The following ARHGEF7 variants were observed in gnomAD, a reference collection of about 807,000 sequenced individuals.
The protein encoded by ARHGEF7 is PAK-interacting exchange factor beta.
Under a neutral mutation model 109.8 loss-of-function variants are expected in ARHGEF7, and 33 were observed. The ratio of observed to expected loss-of-function variants is 0.30; its 90% confidence interval spans 0.23 to 0.40. The LOEUF is 0.40. ARHGEF7 is among the 10% of genes least tolerant of loss of function. The probability of loss-of-function intolerance (pLI) is 1.00; values close to 1 mark genes in which losing one functional copy is unlikely to be tolerated. For missense variants in ARHGEF7, 938 were observed against 1,098.5 expected (o/e 0.85, Z 2.07); for synonymous variants, 458 against 424.6 (o/e 1.08, Z -0.97).
chr13:111,148,038 A>G (rs1245115009), intron 1 of ARHGEF7, among the ~76,000 whole-genome samples: 2 of 152,154 alleles, frequency 1.3e-5, no homozygotes, highest in Non-Finnish European at 2.9e-5. Context: ...GCCCTGCCCT[A>G]TCTCTGCAGA....
chr13:111,302,483 C>T (rs1375721009), intron 21 of ARHGEF7, among the ~76,000 whole-genome samples: 1 of 152,214 alleles, frequency 6.6e-6, no homozygotes, highest in Non-Finnish European at 1.5e-5. Context: ...CTTTGCCTGG[C>T]TGGCAGGCTT....
rs1387826691 is a variant in ARHGEF7, at chr13:111,204,929, T to C, written c.253-360T>C. Among the ~76,000 whole-genome samples the C allele has an allele frequency of 6.6e-5, 10 of 152,338 alleles. No individual in the cohort carries two copies. In the South Asian group the frequency reaches 1.2e-3, roughly 19 times the overall value. ...TGTAGCACGCCTTGCCTGGGGCCTC[T>C]GTGTTAATCTAAGGAGAGGAGGATT... On this transcript the variant is annotated intron_variant, in intron 2 of 21. Coordinates refer to ENST00000646102, the MANE Select transcript of ARHGEF7 (RefSeq NM_001354046.2).
chr13:111,168,231 GCCGCTCTC>G (rs2153408618), intron 2 of ARHGEF7, among the ~76,000 whole-genome samples: 1 of 148,124 alleles, frequency 6.8e-6, no homozygotes, highest in East Asian at 2.0e-4. Flanking sequence ...CTCTGCCTCT[GCCGCTCTC>G]CCGCTTGGTC....
In ARHGEF7 at chr13:111,153,928, G is replaced by C; in HGVS notation, c.189G>C (p.Glu63Asp). 3.7e-6 allele frequency: 6 copies of C among 1,605,634 alleles called. No homozygotes were observed. Among genetic ancestry groups the C allele is most frequent in the Non-Finnish European group, 2.5e-6 (3 of 1,177,320 alleles). ...IEKVYPEPRS[E>D]SECLSNIREF... Reference sequence around the variant, plus strand: ...AGGTCTACCCCGAGCCCCGGAGCGAGAGCGAGTGCCTGAGCAACATCCGCG... The same window carrying C: ...AGGTCTACCCCGAGCCCCGGAGCGACAGCGAGTGCCTGAGCAACATCCGCG... Residue 63 changes from glutamate (E) to aspartate (D), a missense_variant, in exon 2 of 22, where the codon GAG (glutamate) becomes GAC (aspartate). Glu to Asp is a conservative substitution (Grantham distance 45). Around this residue, in one of 4 missense-constraint regions of ARHGEF7, gnomAD observed 165 missense variants for 125.8 expected, o/e 1.31. Coordinates refer to ENST00000646102, the MANE Select transcript of ARHGEF7 (RefSeq NM_001354046.2).
upstream of ARHGEF7, chr13:111,114,828 T>C (rs2066639310): frequency 6.6e-6 from 1 of 152,186 alleles, no homozygotes; most frequent in Admixed American, 6.5e-5. Flanking sequence ...CCATATGGCT[T>C]CAGATGGAAC....
Position 111,154,035 on chromosome 13 carries a change from G to A in ARHGEF7, c.252+44G>A, listed in dbSNP as rs773584312. 4 of 1,564,962 alleles carry A rather than the reference G, an allele frequency of 2.6e-6. No homozygotes were observed. The East Asian group carries it at 9.6e-5, about 38-fold the overall frequency. On this transcript the variant is annotated intron_variant, in intron 2 of 21. Transcript: ENST00000646102. ...GGGCCGAGGGAGGGGCCGGGAAGAC[G>A]GGGTTGGGCCCGGGGTGGGTGCTTC...
intron 2 of ARHGEF7, among the ~76,000 whole-genome samples, chr13:111,198,124 C>A (rs905998210): frequency 1.3e-5 from 2 of 152,110 alleles, no homozygotes; most frequent in African/African-American, 4.8e-5. Context: ...CCGCTCCCAA[C>A]TCTGAAGAGT....
chr13:111,294,888 C>CTT, intron 19 of ARHGEF7: 1 of 985,762 alleles, frequency 1.0e-6, no homozygotes, highest in Non-Finnish European at 1.2e-6. Flanking sequence ...TAACGCTTGC[C>CTT]ACAAGTATAT....
rs183752802 is a variant in ARHGEF7 at position 111,168,766 on chromosome 13, C to T, written c.252+14775C>T. On this transcript the variant is annotated intron_variant, in intron 2 of 21. Coordinates refer to ENST00000646102, the MANE Select transcript of ARHGEF7 (RefSeq NM_001354046.2). The stretch of plus-strand genomic sequence containing the variant: ...GGAAATATTAAAGATGTAAAAATGG[C>T]ATAGTTTTGTGGTTTTGATATGTTG... 1.9e-3 allele frequency among the ~76,000 whole-genome samples: 287 copies of T among 152,180 alleles called. 2 individuals carry two copies. The highest frequency in any genetic ancestry group is 0.018 in the Admixed American group (268 of 15,282).
chr13:111,188,196 GCT>G (rs2079469184), intron 2 of ARHGEF7, among the ~76,000 whole-genome samples: 1 of 152,204 alleles, frequency 6.6e-6, no homozygotes, highest in South Asian at 2.1e-4. Context: ...ACGCTGTGGA[GCT>G]GTCTTGGTAG....
chr13:111,166,581 T>TA (rs2077148905), intron 2 of ARHGEF7, among the ~76,000 whole-genome samples: 1 of 152,198 alleles, frequency 6.6e-6, no homozygotes, highest in South Asian at 2.1e-4. Context: ...TTCTAGTTTT[T>TA]ATCAAGAGGG....
At chr13:111,271,248 A>G (rs2092121302) in intron 9 of ARHGEF7, among the ~76,000 whole-genome samples, 1 of 152,190 alleles carries the variant, frequency 6.6e-6, no homozygotes, top group African/African-American at 2.4e-5. Context: ...GAGTGCTCAC[A>G]GTTGCCCCAG....
intron 1 of ARHGEF7, among the ~76,000 whole-genome samples, chr13:111,123,804 A>G (rs931494132): frequency 5.4e-5 from 8 of 149,230 alleles, no homozygotes; most frequent in Non-Finnish European, 1.0e-4. Context: ...CCATTTTCAG[A>G]TTAGGAAACG....
chr13:111,148,332 A>G (rs2075719346), intron 1 of ARHGEF7, among the ~76,000 whole-genome samples: 2 of 152,276 alleles, frequency 1.3e-5, no homozygotes, highest in African/African-American at 4.8e-5. Context: ...CATATTTGTT[A>G]TACAGCCAGG....
intron 2 of ARHGEF7, among the ~76,000 whole-genome samples, chr13:111,172,125 G>A (rs2077656364): frequency 6.6e-6 from 1 of 152,184 alleles, no homozygotes; most frequent in Non-Finnish European, 1.5e-5. Context: ...TAATCTTGAC[G>A]AGGGGCTGGT....
chr13:111,242,167 T>C (rs562154112), intron 6 of ARHGEF7, among the ~76,000 whole-genome samples: 34 of 152,254 alleles, frequency 2.2e-4, no homozygotes, highest in African/African-American at 8.2e-4. Flanking sequence ...CTTGAATAGA[T>C]CCCTTCAGGG....
rs750162301 is a variant in ARHGEF7 at position 111,301,494 on chromosome 13, G to A, written c.2428G>A (p.Val810Ile). 44 of 1,612,696 alleles carry A rather than the reference G, an allele frequency of 2.7e-5. 1 individual carries two copies. The highest frequency in any genetic ancestry group is 9.3e-5 in the African/African-American group (7 of 74,870). The change falls in exon 21 of 22, where the codon GTA (valine) becomes ATA (isoleucine). Residue 810 changes from valine (V) to isoleucine (I), a missense_variant. Physicochemically the swap from Val to Ile is conservative, Grantham distance 29 (BLOSUM62 3). Transcript: ENST00000646102. Reference protein sequence around the residue: ...VIEEKSLVDTVYALKDEVQEL... With the variant: ...VIEEKSLVDTIYALKDEVQEL... Reference sequence around the variant, plus strand: ...CTGTTTCAGGAGTCTTGTGGATACCGTATATGCATTAAAGGATGAAGTTCA... The same window carrying A: ...CTGTTTCAGGAGTCTTGTGGATACCATATATGCATTAAAGGATGAAGTTCA...
At chr13:111,181,951 A>C (rs905758029) in intron 2 of ARHGEF7, among the ~76,000 whole-genome samples, 1 of 152,152 alleles carries the variant, frequency 6.6e-6, no homozygotes, top group Non-Finnish European at 1.5e-5. Context: ...AGCGTTGTGG[A>C]TTTGGTGAGC....
chr13:111,242,984 A>G (rs115098154), intron 6 of ARHGEF7, among the ~76,000 whole-genome samples: 1,737 of 152,302 alleles, frequency 0.011, 24 homozygotes, highest in African/African-American at 0.039. Context: ...AGTTTTTAAG[A>G]CTTAAATTAT....
Sources: gnomAD v4.1 joint callset for allele counts (sites outside exome capture counted in the v4.1 genomes callset) on GRCh38, gnomAD v4.1.1 for gene constraint, gnomAD v4.1.1 regional missense constraint, MANE v1.5 for transcripts, NCBI Gene and HGNC (gene_info 2026-07-23, HGNC 2026-07-21) for gene names.